Variants in PLD1 observed in about 807,000 individuals in gnomAD.
PLD1 encodes phospholipase D1.
In PLD1, 112 loss-of-function variants were observed where a neutral mutation model predicts 137.1. That is an observed-to-expected ratio of 0.82 (90% CI 0.70 to 0.96). The LOEUF (loss-of-function observed/expected upper bound fraction) is 0.96. Among genes scored for constraint, PLD1 ranks in the 40% least tolerant of loss-of-function variants. The probability of loss-of-function intolerance (pLI) is 0.00; values close to 1 mark genes in which losing one functional copy is unlikely to be tolerated. For missense variants in PLD1, 1,321 were observed against 1,342.0 expected, an observed-to-expected ratio of 0.98 and a Z score of 0.24; for synonymous variants, 431 against 454.7, an observed-to-expected ratio of 0.95 and a Z score of 0.66.
intron 23 of PLD1, among the ~76,000 whole-genome samples, chr3:171,629,297 A>G (rs1200404406): frequency 1.3e-5 from 2 of 151,688 alleles, no homozygotes; most frequent in South Asian, 4.2e-4. Flanking sequence ...TAGGAATCCA[A>G]CTTACAAGGG....
chr3:171,627,713 A>G (rs928724346), intron 23 of PLD1, among the ~76,000 whole-genome samples: 2 of 152,232 alleles, frequency 1.3e-5, no homozygotes, highest in Non-Finnish European at 2.9e-5. Flanking sequence ...AACTCACTCA[A>G]AACTGCTCAA....
intron 1 of PLD1, among the ~76,000 whole-genome samples, chr3:171,753,029 T>A (rs551113542): frequency 6.6e-6 from 1 of 152,330 alleles, no homozygotes; most frequent in Non-Finnish European, 1.5e-5. Flanking sequence ...TGCACTCTGC[T>A]TGCCCATACA....
intron 1 of PLD1, among the ~76,000 whole-genome samples, chr3:171,747,311 C>T (rs1274194965): frequency 1.3e-5 from 2 of 152,194 alleles, no homozygotes; most frequent in South Asian, 2.1e-4. Context: ...TGCCTCTCCC[C>T]TCTCCTTTTG....
intron 1 of PLD1, among the ~76,000 whole-genome samples, chr3:171,801,797 C>T (rs754080549): frequency 2.3e-4 from 35 of 152,166 alleles, no homozygotes; most frequent in Non-Finnish European, 5.0e-4. Flanking sequence ...AAAACCACCC[C>T]GGTAGAACTC....
In PLD1 at chr3:171,726,050, C is replaced by T. The variant is rs777775731; in HGVS notation, c.633G>A (p.Leu211=). The change falls in exon 7 of 27, where the codon CTG becomes CTA. Residue 211 remains leucine (L), a synonymous_variant. Transcript: ENST00000351298. ...ATTEFLDISQ[L]SFIHDLGPKG... is the part of the protein sequence containing the mutation. ...TTGGTCCCAAATCATGGATGAAAGA[C>T]AGCTGGCTTATATCAAGAAACTCTG... The T allele has an allele frequency of 6.2e-7, 1 of 1,612,720 alleles. No individual in the cohort carries two copies. Among genetic ancestry groups the T allele is most frequent in the Non-Finnish European group, 8.5e-7 (1 of 1,178,774 alleles).
intron 25 of PLD1, chr3:171,611,508 G>T: frequency 4.1e-6 from 2 of 491,136 alleles, no homozygotes; most frequent in South Asian, 2.9e-5. Flanking sequence ...ACTTATTTAG[G>T]ATCGCACAGC....
chr3:171,663,124 T>C (rs114313343), intron 19 of PLD1, among the ~76,000 whole-genome samples: 1,639 of 152,320 alleles, frequency 0.011, 39 homozygotes, highest in African/African-American at 0.038. Context: ...CATCATTCTA[T>C]TAGTCTTTGG....
chr3:171,653,808 C>T (rs556177052), intron 21 of PLD1: 1 of 154,424 alleles, frequency 6.5e-6, no homozygotes, highest in South Asian at 2.0e-4. Flanking sequence ...ACTACTTTCA[C>T]ATATATTCAT....
intron 23 of PLD1, among the ~76,000 whole-genome samples, chr3:171,639,517 A>C (rs1423619721): frequency 2.1e-4 from 19 of 90,512 alleles, no homozygotes; most frequent in Admixed American, 2.9e-4. Flanking sequence ...TAAATAATAT[A>C]TATTCATATA....
At chr3:171,728,407 T>C (rs1718698597) in intron 6 of PLD1, among the ~76,000 whole-genome samples, 1 of 152,270 alleles carries the variant, frequency 6.6e-6, no homozygotes, top group Non-Finnish European at 1.5e-5. Flanking sequence ...TTTATCTGGT[T>C]TGTGAAAATG....
chr3:171,761,093 A>G lies in PLD1; in HGVS notation c.-31-23011T>C, dbSNP rs989122717. On this transcript the variant is annotated intron_variant, in intron 1 of 26. Transcript: ENST00000351298. ...TTCATTTAAGTTTAAACACACGTAT[A>G]CATGTATAGGCTGGCAGTTGCCTGG... Among the ~76,000 whole-genome samples the G allele has an allele frequency of 7.9e-5, 12 of 152,370 alleles. 1 individual carries two copies. Among genetic ancestry groups the G allele is most frequent in the African/African-American group, 2.9e-4 (12 of 41,592 alleles).
intron 23 of PLD1, among the ~76,000 whole-genome samples, chr3:171,631,004 T>TA (rs1323024165): frequency 2.2e-4 from 33 of 151,780 alleles, no homozygotes; most frequent in Non-Finnish European, 4.4e-4. Context: ...CCCTAAAACT[T>TA]AAAGTATAAT....
intron 6 of PLD1, among the ~76,000 whole-genome samples, chr3:171,731,269 A>G (rs1247125805): frequency 1.3e-5 from 2 of 152,248 alleles, no homozygotes; most frequent in South Asian, 2.1e-4. Flanking sequence ...ATTTTTTAAC[A>G]GATACTTTTT....
At chr3:171,782,165 A>C (rs763089039) in intron 1 of PLD1, among the ~76,000 whole-genome samples, 1 of 152,234 alleles carries the variant, frequency 6.6e-6, no homozygotes, top group African/African-American at 2.4e-5. Context: ...CAATTTTGTT[A>C]ATCTTCTAGA....
At chr3:171,783,947 C>T (rs535525183) in intron 1 of PLD1, among the ~76,000 whole-genome samples, 1 of 152,250 alleles carries the variant, frequency 6.6e-6, no homozygotes, top group African/African-American at 2.4e-5. Flanking sequence ...GCGCCCAGCC[C>T]ACCCTCTTAA....
At chr3:171,767,953 A>AG in intron 1 of PLD1, among the ~76,000 whole-genome samples, 1 of 128,810 alleles carries the variant, frequency 7.8e-6, no homozygotes, top group East Asian at 2.3e-4. Context: ...AAAAAAAAAG[A>AG]GAGGGGGGCT....
At chr3:171,615,702 T>C (rs1019235121) in intron 24 of PLD1, among the ~76,000 whole-genome samples, 1 of 152,230 alleles carries the variant, frequency 6.6e-6, no homozygotes, top group Non-Finnish European at 1.5e-5. Context: ...TTTCTGTACA[T>C]AATTGTAATG....
chr3:171,677,179 T>C (rs547003699), intron 17 of PLD1, among the ~76,000 whole-genome samples: 55 of 152,296 alleles, frequency 3.6e-4, no homozygotes, highest in Non-Finnish European at 6.6e-4. Flanking sequence ...GCCATCTCTA[T>C]CTCCTCTTAA....
chr3:171,654,300 CAAAAAAAAA>C, intron 21 of PLD1: 1 of 109,970 alleles, frequency 9.1e-6, no homozygotes, highest in Non-Finnish European at 1.8e-5. Flanking sequence ...AAGACTGTCT[CAAAAAAAAA>C]AAAAAAAAAA....
Sources: gnomAD v4.1 joint callset for allele counts (sites outside exome capture counted in the v4.1 genomes callset) on GRCh38, gnomAD v4.1.1 for gene constraint, MANE v1.5 for transcripts, NCBI Gene and HGNC (gene_info 2026-07-23, HGNC 2026-07-21) for gene names.